Variants in DNAH10 observed in about 807,000 individuals in gnomAD.
The protein encoded by DNAH10 is axonemal beta dynein heavy chain 10.
DNAH10 carries 348 observed loss-of-function variants against 506.6 expected under a neutral mutation model. The ratio of observed to expected loss-of-function variants is 0.69; its 90% CI spans 0.63 to 0.75. DNAH10 has a LOEUF of 0.75. DNAH10 is among the 30% of genes least tolerant of loss of function. The probability of loss-of-function intolerance (pLI) is 0.00; values close to 1 mark genes in which losing one functional copy is unlikely to be tolerated. For synonymous variants in DNAH10, 2,059 were observed against 2,198.6 expected, an observed-to-expected ratio of 0.94 and a Z score of 1.78; for missense variants, 5,179 against 5,787.1, an observed-to-expected ratio of 0.89 and a Z score of 3.41.
At chr12:123,854,386 G>A (rs774502290) in intron 36 of DNAH10, among the ~76,000 whole-genome samples, 2 of 152,188 alleles carry the variant, frequency 1.3e-5, no homozygotes, top group African/African-American at 2.4e-5. Context: ...ACGAAGAAGA[G>A]TGAGGCCGTT....
intron 30 of DNAH10, among the ~76,000 whole-genome samples, chr12:123,845,075 AT>A (rs1950899236): frequency 6.6e-6 from 1 of 152,180 alleles, no homozygotes; most frequent in Admixed American, 6.5e-5. Context: ...ACAGTGCACA[AT>A]TGTAGTTGGC....
At chr12:123,809,950 C>A (rs1322416432) in intron 19 of DNAH10, among the ~76,000 whole-genome samples, 1 of 152,164 alleles carries the variant, frequency 6.6e-6, no homozygotes, top group African/African-American at 2.4e-5. Flanking sequence ...GCTCCCCTGA[C>A]CTTCTTGTCC....
Position 123,867,707 on chromosome 12 carries a change from A to G in DNAH10, c.7302+106A>G, listed in dbSNP as rs931555773. ...GATGCCAGACAGGGTGAACAGTAGC[A>G]TTGTTGGTCAGTGCCAAGGCGGGCG... On this transcript the variant is annotated intron_variant, in intron 42 of 78. Transcript: ENST00000673944. The G allele has an allele frequency of 1.8e-5, 27 of 1,518,270 alleles. No homozygotes were observed. The East Asian group carries it at 5.7e-4, about 32-fold the overall frequency. The allele number at this position is 1,518,270 out of a possible 1,614,324, so 94.0% of individuals were successfully genotyped here.
chr12:123,877,273 C>T (rs1952294597), intron 47 of DNAH10, among the ~76,000 whole-genome samples: 1 of 152,104 alleles, frequency 6.6e-6, no homozygotes, highest in African/African-American at 2.4e-5. Context: ...CAAGGGTCAT[C>T]CGTGCTGGAG....
At position 123,870,505 on chromosome 12, in the gene DNAH10, T is replaced by G. The variant is rs200474305; in HGVS notation, c.7639+20T>G. On this transcript the variant is annotated intron_variant, in intron 44 of 78. Transcript: ENST00000673944. ...TCCTGGGTAAGTCAGAGTCAAATCC[T>G]TGTTCCTGGGTTTAGGAGTGTGTGA... The G allele has an allele frequency of 8.1e-6, 13 of 1,610,348 alleles. No homozygotes were observed. The highest frequency in any genetic ancestry group is 3.4e-5 in the Admixed American group (2 of 59,626).
intron 52 of DNAH10, among the ~76,000 whole-genome samples, chr12:123,892,571 G>A (rs558920637): frequency 6.6e-6 from 1 of 152,354 alleles, no homozygotes. Flanking sequence ...CGGGGAGGAA[G>A]CTCTTAAGGA....
chr12:123,883,621 G>A (rs1952604305), intron 51 of DNAH10, among the ~76,000 whole-genome samples: 1 of 152,102 alleles, frequency 6.6e-6, no homozygotes, highest in African/African-American at 2.4e-5. Flanking sequence ...ATTTACAATG[G>A]ATTTATTGAG....
At chr12:123,880,229 T>TA (rs1952445186) in intron 50 of DNAH10, among the ~76,000 whole-genome samples, 1 of 152,228 alleles carries the variant, frequency 6.6e-6, no homozygotes, top group African/African-American at 2.4e-5. Context: ...GCAGTTTAAT[T>TA]ATTTTAACTA....
At chr12:123,815,413 A>G (rs898603172) in intron 21 of DNAH10, among the ~76,000 whole-genome samples, 3 of 152,194 alleles carry the variant, frequency 2.0e-5, no homozygotes, top group African/African-American at 7.2e-5. Flanking sequence ...TTAATCATTT[A>G]TCCACAGATT....
chr12:123,924,976 C>T, intron 67 of DNAH10, 74 bp from the exon 68 acceptor site: 6 of 1,571,170 alleles, frequency 3.8e-6, no homozygotes, highest in Admixed American at 1.8e-5. Context: ...GTGGCTTTTG[C>T]CACCTTCACA....
In DNAH10 at chr12:123,913,501, G is replaced by A. The variant is rs1954328290; in HGVS notation, c.10352+186G>A. On this transcript the variant is annotated intron_variant, in intron 60 of 78. Transcript: ENST00000673944. This position sits in a 1 kb window ranked among gnomAD's most constrained non-coding sequence, Gnocchi z 5.1. ...ATTTTATAGGCTCTTGTTTGTATTA[G>A]GCACTGAGTGTTATTTATTAATTAC... Among the ~76,000 whole-genome samples, 1 of 152,088 alleles carries A rather than the reference G, an allele frequency of 6.6e-6. No individual in the cohort carries two copies. The highest frequency in any genetic ancestry group is 2.4e-5 in the African/African-American group (1 of 41,378).
At chr12:123,794,190 C>A (rs190050573) in intron 12 of DNAH10, 78 bp downstream of exon 12, 7 of 976,066 alleles carry the variant, frequency 7.2e-6, no homozygotes, top group African/African-American at 3.5e-5. Context: ...CCACTATTGT[C>A]TGTCTTTCCC....
Position 123,833,108 on chromosome 12 carries a change from G to C in DNAH10, c.4546-6G>C, listed in dbSNP as rs1045232506. On this transcript the variant is annotated splice_region_variant and splice_polypyrimidine_tract_variant and intron_variant, in intron 26 of 78. Coordinates refer to ENST00000673944, the MANE Select transcript of DNAH10 (RefSeq NM_001372106.1). ...CCTGAATCATTCTTTTTCTATTCCT[G>C]AACAGGCTGTGAAGGAAATCCTAGA... 4 of 1,598,192 alleles carry C rather than the reference G, an allele frequency of 2.5e-6. No individual in the cohort carries two copies. In the East Asian group the frequency reaches 6.7e-5, roughly 27 times the overall value.
rs1202718181 is a variant in DNAH10 at position 123,917,072 on chromosome 12, A to G, written c.11002+336A>G. Among the ~76,000 whole-genome samples the G allele has an allele frequency of 1.3e-5, 2 of 152,020 alleles. No individual in the cohort carries two copies. The highest frequency in any genetic ancestry group is 2.9e-5 in the Non-Finnish European group (2 of 67,992). On this transcript the variant is annotated intron_variant, in intron 63 of 78. Coordinates refer to ENST00000673944, the MANE Select transcript of DNAH10 (RefSeq NM_001372106.1). This position sits in a 1 kb window ranked among gnomAD's most constrained non-coding sequence, Gnocchi z 5.6. Reference sequence around the variant, plus strand: ...GTTGAATTTTTTTTTTCTTCCTCTCAGTTGAATTCTGATAGAAATGGGATG... The same window carrying G: ...GTTGAATTTTTTTTTTCTTCCTCTCGGTTGAATTCTGATAGAAATGGGATG...
chr12:123,824,713 G>A (rs1959786413), intron 24 of DNAH10, among the ~76,000 whole-genome samples: 1 of 152,076 alleles, frequency 6.6e-6, no homozygotes, highest in Admixed American at 6.6e-5. Flanking sequence ...GCGTTCCGTG[G>A]CTTGCGGCTG....
chr12:123,846,899 G>A lies in DNAH10; in HGVS notation c.5814+745G>A, dbSNP rs1162493942. Among the ~76,000 whole-genome samples the A allele has an allele frequency of 6.6e-6, 1 of 152,094 alleles. No individual in the cohort carries two copies. Among genetic ancestry groups the A allele is most frequent in the Non-Finnish European group, 1.5e-5 (1 of 68,014 alleles). On this transcript the variant is annotated intron_variant, in intron 32 of 78. Transcript: ENST00000673944. This position sits in a 1 kb window ranked among gnomAD's most constrained non-coding sequence, Gnocchi z 4.5. ...CCACATCACACCATGGGATTTGGGG[G>A]GACAAGGATAAAGGGAATGAGTGAG...
chr12:123,805,862 C>T (rs893323826), intron 18 of DNAH10, among the ~76,000 whole-genome samples: 1 of 151,342 alleles, frequency 6.6e-6, no homozygotes, highest in Non-Finnish European at 1.5e-5. Flanking sequence ...CTGCAAGCTC[C>T]GCCTCCCGGG....
chr12:123,764,573 G>A (rs919100021), intron 1 of DNAH10, among the ~76,000 whole-genome samples: 3 of 152,150 alleles, frequency 2.0e-5, no homozygotes, highest in African/African-American at 7.2e-5. Context: ...TCTGTTAACG[G>A]TGGGGTGGCT....
In DNAH10 at chr12:123,845,667, GAGGTGGAAGACGTCTTCCACAA is replaced by G; in HGVS notation, c.5431_5452del (p.Val1811ArgfsTer9). ...CGCTAGCCAGGTGTGGTGGACCTGGGAGGTGGAAGACGTCTTCCACAAAGCGCAAAAAGGGGAGAAGCAGGCC... is the reference window on the plus strand; with the variant it reads ...CGCTAGCCAGGTGTGGTGGACCTGGGAGCGCAAAAAGGGGAGAAGCAGGCC... On this transcript the variant is annotated frameshift_variant, in exon 31 of 79. Coordinates refer to ENST00000673944, the MANE Select transcript of DNAH10 (RefSeq NM_001372106.1). LOFTEE classifies it high-confidence loss of function. 1 of 1,613,820 alleles carries G rather than the reference GAGGTGGAAGACGTCTTCCACAA, an allele frequency of 6.2e-7. No homozygotes were observed. Among genetic ancestry groups the G allele is most frequent in the Non-Finnish European group, 8.5e-7 (1 of 1,179,886 alleles).
Sources: gnomAD v4.1 joint callset for allele counts (sites outside exome capture counted in the v4.1 genomes callset) on GRCh38, gnomAD v4.1.1 for gene constraint, Gnocchi (gnomAD v3.1) non-coding constraint, MANE v1.5 for transcripts, NCBI Gene and HGNC (gene_info 2026-07-23, HGNC 2026-07-21) for gene names.